RNF152: variants seen among roughly 807,000 people sequenced by gnomAD.
The protein encoded by RNF152 is ring finger protein 152.
RNF152 carries 11 observed loss-of-function variants against 12.7 expected under a neutral mutation model. That is an observed-to-expected ratio of 0.86 (90% confidence interval 0.54 to 1.43). The LOEUF is 1.43. Among genes scored for constraint, RNF152 ranks in the 40% most tolerant of loss-of-function variants. The pLI, the probability that RNF152 is intolerant of heterozygous loss-of-function variation, is 0.00. For synonymous variants in RNF152, 113 were observed against 120.3 expected, an observed-to-expected ratio of 0.94 and a Z score of 0.40; for missense variants, 255 against 274.8, an observed-to-expected ratio of 0.93 and a Z score of 0.51.
At chr18:61,846,209 A>C (rs1910738180) in intron 1 of RNF152, among the ~76,000 whole-genome samples, 1 of 152,140 alleles carries the variant, frequency 6.6e-6, no homozygotes, top group Non-Finnish European at 1.5e-5. Flanking sequence ...TTCTCAACCC[A>C]AACACTCTCT....
chr18:61,878,503 T>C (rs1380163577), intron 1 of RNF152, among the ~76,000 whole-genome samples: 3 of 152,258 alleles, frequency 2.0e-5, no homozygotes, highest in Non-Finnish European at 1.5e-5. Flanking sequence ...ATTTGCTTGT[T>C]TGAGCCTCCA....
chr18:61,870,324 T>C (rs981578952), intron 1 of RNF152, among the ~76,000 whole-genome samples: 1 of 152,200 alleles, frequency 6.6e-6, no homozygotes, highest in African/African-American at 2.4e-5. Context: ...GATTGATTAC[T>C]GTAAACACAC....
chr18:61,864,168 G>C (rs1416567743), intron 1 of RNF152, among the ~76,000 whole-genome samples: 1 of 152,136 alleles, frequency 6.6e-6, no homozygotes, highest in Non-Finnish European at 1.5e-5. Flanking sequence ...ACTACCCGGA[G>C]TCACAGACCC....
chr18:61,812,455 A>C lies in RNF152; in HGVS notation c.*3397T>G, dbSNP rs1908848813. 6.6e-6 allele frequency: 1 copy of C among 152,226 alleles called. No homozygotes were observed. The highest frequency in any genetic ancestry group is 1.5e-5 in the Non-Finnish European group (1 of 68,034). 9.4% of individuals were successfully genotyped at this position (152,226 alleles called of 1,614,324 possible). A position where few individuals can be genotyped will look rare whatever the true frequency, so the allele number is the denominator to read the frequency against. ...ACTTAATTCTATTTTTAAAGAAAAC[A>C]TCTTAGAGCTTTCTGATCATTAAGT... On this transcript the variant is annotated 3_prime_UTR_variant, in exon 2 of 2. Coordinates refer to ENST00000312828, the MANE Select transcript of RNF152 (RefSeq NM_173557.3).
At chr18:61,822,715 T>C (rs1909477220) in intron 1 of RNF152, among the ~76,000 whole-genome samples, 1 of 152,226 alleles carries the variant, frequency 6.6e-6, no homozygotes, top group Non-Finnish European at 1.5e-5. Flanking sequence ...AGTTGTGGCC[T>C]GAGCTGATAT....
At position 61,811,312 on chromosome 18, in the gene RNF152, G is replaced by A. The variant is rs775142644; in HGVS notation, c.*4540C>T. ...TATCAGTAAGAATCTGGTCTTTATA[G>A]GAAATATATCTCAAACTGAATTTTC... On this transcript the variant is annotated 3_prime_UTR_variant, in exon 2 of 2. Transcript: ENST00000312828. 18 of 152,134 alleles carry A rather than the reference G, an allele frequency of 1.2e-4. No homozygotes were observed. Among genetic ancestry groups the A allele is most frequent in the Non-Finnish European group, 2.1e-4 (14 of 68,026 alleles). 9.4% of individuals were successfully genotyped at this position (152,134 alleles called of 1,614,324 possible).
chr18:61,874,926 A>T (rs980382313), intron 1 of RNF152: 1 of 152,188 alleles, frequency 6.6e-6, no homozygotes, highest in Admixed American at 6.5e-5. Context: ...TGGTGAAAAA[A>T]AAATAAGTAA....
At chr18:61,858,203 G>A (rs912343327) in intron 1 of RNF152, among the ~76,000 whole-genome samples, 2 of 152,140 alleles carry the variant, frequency 1.3e-5, no homozygotes, top group Admixed American at 6.5e-5. Context: ...CTGTGGGCTC[G>A]GCTGTGACCT....
intron 1 of RNF152, chr18:61,890,318 T>C (rs1048693745): frequency 1.3e-5 from 2 of 152,218 alleles, no homozygotes; most frequent in Middle Eastern, 3.2e-3. Context: ...TGAATTGTGA[T>C]TAAATAGGGT....
chr18:61,834,527 T>C (rs1220295992), intron 1 of RNF152, among the ~76,000 whole-genome samples: 1 of 152,194 alleles, frequency 6.6e-6, no homozygotes, highest in Non-Finnish European at 1.5e-5. Context: ...TGACCTTTAT[T>C]TACCTTCATC....
intron 1 of RNF152, among the ~76,000 whole-genome samples, chr18:61,852,557 C>T (rs1390110191): frequency 3.3e-5 from 5 of 152,196 alleles, no homozygotes; most frequent in African/African-American, 1.2e-4. Flanking sequence ...TCTAGATTGT[C>T]AGTCTTCAAA....
chr18:61,858,631 C>T (rs745521603), intron 1 of RNF152, among the ~76,000 whole-genome samples: 28 of 152,148 alleles, frequency 1.8e-4, no homozygotes, highest in Non-Finnish European at 3.1e-4. Context: ...CAAGCCAGTC[C>T]GCAGTACTCA....
intron 1 of RNF152, among the ~76,000 whole-genome samples, chr18:61,828,376 C>T (rs1222169180): frequency 1.3e-5 from 2 of 152,176 alleles, no homozygotes; most frequent in African/African-American, 2.4e-5. Context: ...CTTAGCCCCC[C>T]GAGTAGCTGG....
chr18:61,881,929 A>G (rs1002423792), intron 1 of RNF152, among the ~76,000 whole-genome samples: 1 of 152,198 alleles, frequency 6.6e-6, no homozygotes, highest in African/African-American at 2.4e-5. Context: ...TTCTTAAATA[A>G]CTTATTGTTT....
intron 1 of RNF152, among the ~76,000 whole-genome samples, chr18:61,864,017 T>C (rs143198276): frequency 2.0e-4 from 30 of 152,354 alleles, no homozygotes; most frequent in African/African-American, 7.0e-4. Context: ...TCATCTTTCC[T>C]GCCCCTTACA....
chr18:61,822,976 G>A (rs1342908381), intron 1 of RNF152, among the ~76,000 whole-genome samples: 1 of 152,202 alleles, frequency 6.6e-6, no homozygotes, highest in Non-Finnish European at 1.5e-5. Context: ...ATTTCAGCTG[G>A]CTTGCCAGCC....
chr18:61,882,904 G>A (rs528657275), intron 1 of RNF152, among the ~76,000 whole-genome samples: 1 of 152,208 alleles, frequency 6.6e-6, no homozygotes, highest in African/African-American at 2.4e-5. Flanking sequence ...TACAACATAG[G>A]AATGTTCCAG....
intron 1 of RNF152, among the ~76,000 whole-genome samples, chr18:61,863,846 TG>T (rs1466702751): frequency 1.3e-5 from 2 of 151,874 alleles, no homozygotes; most frequent in Non-Finnish European, 3.0e-5. Flanking sequence ...GAGTGGCAGG[TG>T]TCCAAGGTAA....
At chr18:61,826,272 A>G (rs7235368) in intron 1 of RNF152, among the ~76,000 whole-genome samples, 54,394 of 152,116 alleles carry the variant, frequency 0.36, 10,208 homozygotes, top group Non-Finnish European at 0.42. Flanking sequence ...CCTTCTTTAG[A>G]GCAGGTCTAT....
Sources: allele counts gnomAD v4.1 joint callset (sites outside exome capture counted in the v4.1 genomes callset), GRCh38; gene constraint gnomAD v4.1.1; transcripts MANE v1.5; gene names NCBI Gene and HGNC (gene_info 2026-07-23, HGNC 2026-07-21).